BMP5: variants seen among roughly 807,000 people sequenced by gnomAD.
BMP5 encodes the protein bone morphogenetic protein 5.
Under a neutral mutation model 46.6 loss-of-function variants are expected in BMP5, and 23 were observed. That is an observed-to-expected ratio of 0.49 (90% CI 0.35 to 0.70). The LOEUF (loss-of-function observed/expected upper bound fraction) is 0.70. BMP5 is among the 30% of genes least tolerant of loss of function. BMP5 has a pLI of 0.00. For missense variants in BMP5, 545 were observed against 565.6 expected (o/e 0.96, Z 0.37); for synonymous variants, 204 against 191.9 (o/e 1.06, Z -0.52).
chr6:55,787,135 C>A (rs1775468880), intron 3 of BMP5, among the ~76,000 whole-genome samples: 1 of 151,542 alleles, frequency 6.6e-6, no homozygotes, highest in African/African-American at 2.4e-5. Flanking sequence ...GATCATCTAA[C>A]CCTTGACACA....
intron 1 of BMP5, among the ~76,000 whole-genome samples, chr6:55,864,860 T>C (rs1000364792): frequency 6.6e-6 from 1 of 151,666 alleles, no homozygotes; most frequent in Non-Finnish European, 1.5e-5. Context: ...TATAAGTTAT[T>C]ATAACAACTC....
Position 55,819,799 on chromosome 6 carries a change from AATTCTTTGTAATGCCTTCGCTGGTGAG to A in BMP5, c.512_538del (p.Ser171_Glu179del). 6.2e-7 allele frequency: 1 copy of A among 1,613,868 alleles called. No homozygotes were observed. The highest frequency in any genetic ancestry group is 8.5e-7 in the Non-Finnish European group (1 of 1,179,926). ...AGGAATTTGGGTAAGATCAAATCGA[AATTCTTTGTAATGCCTTCGCTGGTGAG>A]AAAAATCCTTGTCTCTTTCAACTGA... is the stretch of plus-strand genomic sequence containing the variant. On this transcript the variant is annotated inframe_deletion, in exon 2 of 7. Coordinates refer to ENST00000370830, the MANE Select transcript of BMP5 (RefSeq NM_021073.4).
At chr6:55,872,812 AT>A (rs1473347179) in intron 1 of BMP5, among the ~76,000 whole-genome samples, 2 of 151,862 alleles carry the variant, frequency 1.3e-5, no homozygotes, top group African/African-American at 2.4e-5. Context: ...AAATTTTTCT[AT>A]TAAAATATTT....
intron 2 of BMP5, among the ~76,000 whole-genome samples, chr6:55,818,359 C>T (rs1053766459): frequency 2.0e-5 from 3 of 151,714 alleles, no homozygotes; most frequent in African/African-American, 4.8e-5. Flanking sequence ...TATTTCCTTA[C>T]AAAGTTTTTC....
intron 2 of BMP5, among the ~76,000 whole-genome samples, chr6:55,817,186 C>G (rs1042655814): frequency 2.0e-5 from 3 of 152,132 alleles, no homozygotes; most frequent in African/African-American, 4.8e-5. Context: ...GTGGAAGATA[C>G]TGTGGCGATT....
At chr6:55,772,471 T>C (rs1053957270) in intron 4 of BMP5, among the ~76,000 whole-genome samples, 1 of 151,966 alleles carries the variant, frequency 6.6e-6, no homozygotes, top group Non-Finnish European at 1.5e-5. Context: ...TTTTTCTTAA[T>C]ACAGTCTGCT....
At chr6:55,841,564 C>A (rs990798387) in intron 1 of BMP5, among the ~76,000 whole-genome samples, 2 of 152,086 alleles carry the variant, frequency 1.3e-5, no homozygotes, top group African/African-American at 4.8e-5. Flanking sequence ...CTAAAGACTA[C>A]AAGACCAAAC....
In BMP5 at chr6:55,874,494, A is replaced by G; in HGVS notation, c.372T>C (p.Pro124=). ...KGYPASPNGY[P]RRIQLSRTTP... Reference sequence around the variant, plus strand: ...TCGTCCGAGATAACTGTATGCGACGAGGATACCCATTGGGAGAGGCTGGGT... The same window carrying G: ...TCGTCCGAGATAACTGTATGCGACGGGGATACCCATTGGGAGAGGCTGGGT... The change falls in exon 1 of 7, where the codon CCT becomes CCC. Residue 124 remains proline (P), a synonymous_variant. Transcript: ENST00000370830. 3 of 1,613,496 alleles carry G rather than the reference A, an allele frequency of 1.9e-6. No individual in the cohort carries two copies. The highest frequency in any genetic ancestry group is 2.5e-6 in the Non-Finnish European group (3 of 1,179,658).
chr6:55,875,114 T>C lies in BMP5; in HGVS notation c.-249A>G, dbSNP rs1777878724. 2 of 432,754 alleles carry C rather than the reference T, an allele frequency of 4.6e-6. No individual in the cohort carries two copies. The highest frequency in any genetic ancestry group is 8.4e-6 in the Non-Finnish European group (2 of 239,408). 26.8% of individuals were successfully genotyped at this position (432,754 alleles called of 1,614,324 possible). A position where few individuals can be genotyped will look rare whatever the true frequency, so the allele number is the denominator to read the frequency against. ...ACTCAGATTTCCAATTATCCACAGT[T>C]GTTAAGAGTTTTTGCTGCATTGATG... On this transcript the variant is annotated 5_prime_UTR_variant, in exon 1 of 7. Coordinates refer to ENST00000370830, the MANE Select transcript of BMP5 (RefSeq NM_021073.4).
chr6:55,757,531 A>G (rs751881409), intron 6 of BMP5, among the ~76,000 whole-genome samples: 1 of 151,944 alleles, frequency 6.6e-6, no homozygotes, highest in Non-Finnish European at 1.5e-5. Flanking sequence ...AGAAGTTTGA[A>G]TGCAAAACAT....
chr6:55,811,210 G>A (rs1776126954), intron 2 of BMP5, among the ~76,000 whole-genome samples: 1 of 152,124 alleles, frequency 6.6e-6, no homozygotes, highest in African/African-American at 2.4e-5. Flanking sequence ...AGGAGGCAGG[G>A]GGAGATGATG....
intron 4 of BMP5, among the ~76,000 whole-genome samples, chr6:55,769,445 A>C (rs76852607): frequency 6.6e-6 from 1 of 151,916 alleles, no homozygotes; most frequent in African/African-American, 2.4e-5. Flanking sequence ...ATGAGATTGC[A>C]GCAATCCAGT....
chr6:55,867,376 T>A (rs1222555766), intron 1 of BMP5, among the ~76,000 whole-genome samples: 1 of 152,094 alleles, frequency 6.6e-6, no homozygotes, highest in Non-Finnish European at 1.5e-5. Flanking sequence ...TACTATATGA[T>A]CCCTTGTTTT....
intron 1 of BMP5, among the ~76,000 whole-genome samples, chr6:55,830,189 G>C (rs1001227769): frequency 5.9e-5 from 9 of 152,044 alleles, no homozygotes; most frequent in Non-Finnish European, 1.2e-4. Context: ...AAGATGTATT[G>C]TATAATTGGA....
rs942943757 is a variant in BMP5 at position 55,874,317 on chromosome 6, C to T, written c.490+59G>A. The stretch of plus-strand genomic sequence containing the variant: ...ACCACCTACCAAGCAGCTCCTTTAC[C>T]ATTAGGGAAAACTTCCACTTTGTAA... On this transcript the variant is annotated intron_variant, in intron 1 of 6. Transcript: ENST00000370830. 1.9e-6 allele frequency: 3 copies of T among 1,607,788 alleles called. No individual in the cohort carries two copies. The Admixed American group carries it at 5.0e-5, about 27-fold the overall frequency.
At chr6:55,759,953 A>G (rs1371812703) in intron 5 of BMP5, among the ~76,000 whole-genome samples, 2 of 151,952 alleles carry the variant, frequency 1.3e-5, no homozygotes, top group Non-Finnish European at 2.9e-5. Context: ...AACTGTCACC[A>G]CATAGAGCCA....
At chr6:55,802,482 C>A (rs1775872676) in intron 2 of BMP5, among the ~76,000 whole-genome samples, 1 of 152,034 alleles carries the variant, frequency 6.6e-6, no homozygotes. Flanking sequence ...AATCACAGTT[C>A]ATTGCAGGCA....
At chr6:55,773,026 G>GA (rs1032704961) in intron 4 of BMP5, 1 of 591,360 alleles carries the variant, frequency 1.7e-6, no homozygotes, top group Admixed American at 6.4e-5. Context: ...AGTAACCTGA[G>GA]AAAAATGAAG....
At chr6:55,767,365 C>T (rs1562027563) in intron 4 of BMP5, among the ~76,000 whole-genome samples, 1 of 151,866 alleles carries the variant, frequency 6.6e-6, no homozygotes, top group Non-Finnish European at 1.5e-5. Flanking sequence ...GAGCATTTGC[C>T]GTGTACCACT....
Sources: gnomAD v4.1 joint callset for allele counts (sites outside exome capture counted in the v4.1 genomes callset) on GRCh38, gnomAD v4.1.1 for gene constraint, MANE v1.5 for transcripts, NCBI Gene and HGNC (gene_info 2026-07-23, HGNC 2026-07-21) for gene names.